The following CDH20 variants were observed in gnomAD, a reference collection of about 807,000 sequenced individuals.
The protein encoded by CDH20 is cadherin-20.
Under a neutral mutation model 74.2 loss-of-function variants are expected in CDH20, and 29 were observed. That is an observed-to-expected ratio of 0.39 (90% CI 0.29 to 0.53). CDH20 has a LOEUF of 0.53. Among genes scored for constraint, CDH20 ranks in the 20% least tolerant of loss-of-function variants. CDH20 has a pLI of 0.69. For missense variants in CDH20, 988 were observed against 1,048.3 expected (o/e 0.94, Z 0.79); for synonymous variants, 469 against 405.4 (o/e 1.16, Z -1.88).
chr18:61,345,599 G>A (rs969712388), intron 1 of CDH20, among the ~76,000 whole-genome samples: 2 of 152,154 alleles, frequency 1.3e-5, no homozygotes, highest in African/African-American at 4.8e-5. Flanking sequence ...ATATGAATTT[G>A]TGAAGTGGAA....
At position 61,411,580 on chromosome 18, in the gene CDH20, GTATATATATATATATATATATATA is replaced by G. The variant is rs145701176; in HGVS notation, c.-153+77769_-153+77792del. Among the ~76,000 whole-genome samples, 994 of 149,906 alleles carry G rather than the reference GTATATATATATATATATATATATA, an allele frequency of 6.6e-3. 15 individuals carry two copies. Among genetic ancestry groups the G allele is most frequent in the African/African-American group, 0.023 (912 of 40,454 alleles). On this transcript the variant is annotated intron_variant, in intron 1 of 11. Coordinates refer to ENST00000262717, the MANE Select transcript of CDH20 (RefSeq NM_031891.4). ...TGTGTATATATGTGTGTGTGTGTGT[GTATATATATATATATATATATATA>G]TATATATATATATATGTGAGATATG... is the stretch of plus-strand genomic sequence containing the variant.
chr18:61,449,475 C>A (rs1909310544), intron 1 of CDH20, among the ~76,000 whole-genome samples: 1 of 152,018 alleles, frequency 6.6e-6, no homozygotes, highest in Non-Finnish European at 1.5e-5. Context: ...TGGTTAATGG[C>A]TCCTCATTAA....
At chr18:61,496,593 G>A (rs1412395624) in intron 2 of CDH20, among the ~76,000 whole-genome samples, 2 of 152,018 alleles carry the variant, frequency 1.3e-5, no homozygotes, top group Non-Finnish European at 2.9e-5. Context: ...GCCCTGTGGT[G>A]AGCTCTGCCG....
chr18:61,430,565 AG>A (rs1849542807), intron 1 of CDH20, among the ~76,000 whole-genome samples: 1 of 152,042 alleles, frequency 6.6e-6, no homozygotes, highest in South Asian at 2.1e-4. Context: ...CATCTCTGAA[AG>A]CAAAGTATCT....
chr18:61,378,481 C>T (rs1394657692), intron 1 of CDH20, among the ~76,000 whole-genome samples: 1 of 152,200 alleles, frequency 6.6e-6, no homozygotes, highest in Non-Finnish European at 1.5e-5. Flanking sequence ...TTAGATGATG[C>T]CTGCTCGCGT....
intron 1 of CDH20, among the ~76,000 whole-genome samples, chr18:61,412,019 TA>T (rs1030541908): frequency 8.6e-5 from 13 of 151,826 alleles, no homozygotes; most frequent in Non-Finnish European, 1.3e-4. Context: ...ATTTTAAAAA[TA>T]ATTTTAAAAA....
At chr18:61,352,722 C>A (rs1293846552) in intron 1 of CDH20, among the ~76,000 whole-genome samples, 1 of 152,198 alleles carries the variant, frequency 6.6e-6, no homozygotes, top group African/African-American at 2.4e-5. Flanking sequence ...GTTAGTAACT[C>A]TGACTCCTCC....
intron 6 of CDH20, among the ~76,000 whole-genome samples, chr18:61,512,881 T>C (rs150246666): frequency 0.043 from 6,541 of 152,236 alleles, 195 homozygotes; most frequent in Middle Eastern, 0.11. Context: ...TTTGTTATAA[T>C]TTCTGTTCTT....
chr18:61,535,535 T>G (rs1406764438), intron 7 of CDH20, among the ~76,000 whole-genome samples: 1 of 152,000 alleles, frequency 6.6e-6, no homozygotes, highest in Non-Finnish European at 1.5e-5. Flanking sequence ...CACAACAGAA[T>G]TGGATTGCCA....
At chr18:61,527,770 A>G (rs993113788) in intron 6 of CDH20, among the ~76,000 whole-genome samples, 197 bp from the exon 7 acceptor site, 1 of 152,176 alleles carries the variant, frequency 6.6e-6, no homozygotes, top group Non-Finnish European at 1.5e-5. Flanking sequence ...CTTTACCCAA[A>G]GTGTTGAAAC....
intron 8 of CDH20, among the ~76,000 whole-genome samples, chr18:61,538,604 TTTTG>T (rs1912902470): frequency 6.9e-5 from 3 of 43,470 alleles, no homozygotes; most frequent in South Asian, 1.3e-3. Flanking sequence ...TTGTTTTTGT[TTTTG>T]TTTTTGTTTT....
intron 1 of CDH20, among the ~76,000 whole-genome samples, chr18:61,452,133 A>G (rs546788199): frequency 1.9e-4 from 29 of 152,246 alleles, no homozygotes; most frequent in Non-Finnish European, 3.4e-4. Flanking sequence ...TCCTCCAGTG[A>G]TATCTCCTCC....
chr18:61,539,061 C>T lies in CDH20; in HGVS notation c.1446C>T (p.Ile482=), dbSNP rs748963849. 5 of 1,613,770 alleles carry T rather than the reference C, an allele frequency of 3.1e-6. No homozygotes were observed. The East Asian group carries it at 1.1e-4, about 36-fold the overall frequency. ...AGGTTGGAAGTGTTCCTGTCACAAT[C>T]AAAGTCTTAGATGTGAATGACAATG... is the stretch of plus-strand genomic sequence containing the variant. ...PSQVGSVPVT[I]KVLDVNDNAP... The change falls in exon 9 of 12, where the codon ATC becomes ATT. Residue 482 remains isoleucine (I), a synonymous_variant. Transcript: ENST00000262717.
intron 1 of CDH20, among the ~76,000 whole-genome samples, chr18:61,403,885 G>C (rs557577893): frequency 2.1e-4 from 32 of 152,308 alleles, no homozygotes; most frequent in African/African-American, 6.5e-4. Context: ...TATACACCAT[G>C]GAATACTATG....
At chr18:61,550,538 A>C (rs1555685394) in intron 11 of CDH20, among the ~76,000 whole-genome samples, 2 of 152,232 alleles carry the variant, frequency 1.3e-5, no homozygotes, top group Non-Finnish European at 2.9e-5. Context: ...AGAACAAAGC[A>C]GGTTCATTTT....
At chr18:61,336,003 G>A (rs1276592014) in intron 1 of CDH20, among the ~76,000 whole-genome samples, 1 of 152,152 alleles carries the variant, frequency 6.6e-6, no homozygotes, top group African/African-American at 2.4e-5. Flanking sequence ...TTTCTGCCCT[G>A]TAAAATTTTA....
At chr18:61,487,159 A>C (rs1208986486) in intron 1 of CDH20, among the ~76,000 whole-genome samples, 1 of 152,210 alleles carries the variant, frequency 6.6e-6, no homozygotes, top group Non-Finnish European at 1.5e-5. Flanking sequence ...TTCATGTGGC[A>C]TATGTAGTCT....
chr18:61,443,405 T>C (rs1406226931), intron 1 of CDH20, among the ~76,000 whole-genome samples: 1 of 152,164 alleles, frequency 6.6e-6, no homozygotes, highest in Non-Finnish European at 1.5e-5. Flanking sequence ...TGAAGAGCTA[T>C]TGAAAATGTG....
In CDH20 at chr18:61,344,848, G is replaced by C. The variant is rs576240217; in HGVS notation, c.-153+11021G>C. Among the ~76,000 whole-genome samples the C allele has an allele frequency of 3.9e-5, 6 of 152,054 alleles. No individual in the cohort carries two copies. In the South Asian group the frequency reaches 8.3e-4, roughly 21 times the overall value. ...AGTTCAGAAAATTCCAATGGTCAAG[G>C]GTTTTTTTTAAAGATAATTTTATCA... On this transcript the variant is annotated intron_variant, in intron 1 of 11. Coordinates refer to ENST00000262717, the MANE Select transcript of CDH20 (RefSeq NM_031891.4).
Sources: gnomAD v4.1 joint callset for allele counts (sites outside exome capture counted in the v4.1 genomes callset) on GRCh38, gnomAD v4.1.1 for gene constraint, MANE v1.5 for transcripts, NCBI Gene and HGNC (gene_info 2026-07-23, HGNC 2026-07-21) for gene names.